Variants in PCDHA8 observed in about 807,000 individuals in gnomAD.
PCDHA8 encodes protocadherin alpha 8.
In PCDHA8, 53 loss-of-function variants were observed where a neutral mutation model predicts 61.8. That is an observed-to-expected ratio of 0.86 (90% confidence interval 0.69 to 1.08). The LOEUF (loss-of-function observed/expected upper bound fraction) is 1.08, where lower values mean the gene tolerates loss of function less well. PCDHA8 is among the 50% of genes least tolerant of loss of function. The pLI is 0.00. For synonymous variants in PCDHA8, 618 were observed against 556.6 expected, an observed-to-expected ratio of 1.11 and a Z score of -1.55; for missense variants, 1,293 against 1,245.0, an observed-to-expected ratio of 1.04 and a Z score of -0.58.
intron 1 of PCDHA8, among the ~76,000 whole-genome samples, chr5:140,855,144 C>A (rs573799171): frequency 1.3e-5 from 2 of 149,748 alleles, no homozygotes; most frequent in South Asian, 4.2e-4. Context: ...CCTGATGAGC[C>A]AAATTTGGTA....
rs782448077 is a variant in PCDHA8 at position 140,870,373 on chromosome 5, G to T, written c.2394+26658G>T. 68 of 1,614,118 alleles carry T rather than the reference G, an allele frequency of 4.2e-5. No individual in the cohort carries two copies. In the Admixed American group the frequency reaches 5.3e-4, roughly 13 times the overall value. On this transcript the variant is annotated intron_variant, in intron 1 of 3. Coordinates refer to ENST00000531613, the MANE Select transcript of PCDHA8 (RefSeq NM_018911.3). The stretch of plus-strand genomic sequence containing the variant: ...GAACGTGTGGGCCTATGAACTGGTG[G>T]TGACTGCGCGGGATGGGGGTTCGCC...
chr5:140,960,597 C>T (rs1315375637), intron 1 of PCDHA8, among the ~76,000 whole-genome samples: 1 of 152,092 alleles, frequency 6.6e-6, no homozygotes, highest in South Asian at 2.1e-4. Context: ...ATTCAAGGTA[C>T]TTCAACAATA....
At chr5:140,892,927 C>G (rs1554185442) in intron 1 of PCDHA8, among the ~76,000 whole-genome samples, 1 of 152,152 alleles carries the variant, frequency 6.6e-6, no homozygotes, top group African/African-American at 2.4e-5. Context: ...CCTTCCCAGC[C>G]TCTGATAAGC....
rs182574783 is a variant in PCDHA8, at chr5:140,952,922, G to A, written c.2395-26027G>A. Among the ~76,000 whole-genome samples the A allele has an allele frequency of 2.3e-3, 351 of 152,216 alleles. 2 individuals carry two copies. Among genetic ancestry groups the A allele is most frequent in the Admixed American group, 5.6e-3 (85 of 15,264 alleles). Reference sequence around the variant, plus strand: ...ATCAAGCTCATCTTACATGGCATGAGCAGGAGCAGGAGCAAGAGAGAGAGA... The same window carrying A: ...ATCAAGCTCATCTTACATGGCATGAACAGGAGCAGGAGCAAGAGAGAGAGA... On this transcript the variant is annotated intron_variant, in intron 1 of 3. Transcript: ENST00000531613.
intron 1 of PCDHA8, among the ~76,000 whole-genome samples, chr5:140,854,895 C>T (rs565255235): frequency 1.1e-4 from 16 of 149,404 alleles, no homozygotes; most frequent in African/African-American, 3.7e-4. Flanking sequence ...ATTTGAAAAG[C>T]GTAAATATAA....
chr5:140,898,156 G>C (rs1176390379), intron 1 of PCDHA8, among the ~76,000 whole-genome samples: 2 of 152,114 alleles, frequency 1.3e-5, no homozygotes, highest in African/African-American at 4.8e-5. Context: ...TCACGCTGAT[G>C]GTGGTTTCTT....
chr5:140,877,697 C>T (rs2057290837), intron 1 of PCDHA8: 15 of 1,613,794 alleles, frequency 9.3e-6, no homozygotes, highest in Non-Finnish European at 1.3e-5. Flanking sequence ...CTGGTGTGCT[C>T]CAGCGCCGTG....
intron 3 of PCDHA8, among the ~76,000 whole-genome samples, chr5:140,991,449 A>G (rs1405447405): frequency 6.6e-6 from 1 of 152,206 alleles, no homozygotes; most frequent in East Asian, 1.9e-4. Flanking sequence ...GCTTAAAACA[A>G]CACAATGTAT....
chr5:140,858,401 G>T (rs2045390262), intron 1 of PCDHA8: 2 of 1,572,406 alleles, frequency 1.3e-6, no homozygotes, highest in Admixed American at 1.8e-5. Flanking sequence ...TGTGGACGGG[G>T]AAGATCAGTC....
chr5:140,843,735 G>A lies in PCDHA8; in HGVS notation c.2394+20G>A. On this transcript the variant is annotated intron_variant, in intron 1 of 3. Coordinates refer to ENST00000531613, the MANE Select transcript of PCDHA8 (RefSeq NM_018911.3). ...CTCAAAGTAAGTCCATTTAAATTTA[G>A]AACTCATAAATTCTATTTGTGGAAA... The A allele has an allele frequency of 1.9e-6, 3 of 1,548,326 alleles. 1 individual carries two copies. The highest frequency in any genetic ancestry group is 2.7e-6 in the Non-Finnish European group (3 of 1,128,282).
chr5:140,985,338 A>G (rs2153836548), intron 3 of PCDHA8, among the ~76,000 whole-genome samples: 1 of 152,280 alleles, frequency 6.6e-6, no homozygotes, highest in South Asian at 2.1e-4. Flanking sequence ...TCTCATTTGC[A>G]GGCCCAGATA....
chr5:140,905,891 G>A (rs1486335678), intron 1 of PCDHA8, among the ~76,000 whole-genome samples: 2 of 152,162 alleles, frequency 1.3e-5, no homozygotes, highest in African/African-American at 4.8e-5. Context: ...TAGGCCATCT[G>A]CAAGCTGAGG....
intron 1 of PCDHA8, chr5:140,868,993 T>C (rs1441909187): frequency 1.3e-6 from 2 of 1,515,702 alleles, no homozygotes; most frequent in Non-Finnish European, 8.8e-7. Context: ...TGCCACCGTT[T>C]AAGGATCCTT....
At position 140,904,654 on chromosome 5, in the gene PCDHA8, G is replaced by C. The variant is rs554492367; in HGVS notation, c.2394+60939G>C. On this transcript the variant is annotated intron_variant, in intron 1 of 3. Coordinates refer to ENST00000531613, the MANE Select transcript of PCDHA8 (RefSeq NM_018911.3). ...AGGAATCTCCACACTGTTTTCCATAGTGGTTGTACTAGTTTACATTCCCAC... is the reference window on the plus strand; with the variant it reads ...AGGAATCTCCACACTGTTTTCCATACTGGTTGTACTAGTTTACATTCCCAC... Among the ~76,000 whole-genome samples, 175 of 152,122 alleles carry C rather than the reference G, an allele frequency of 1.2e-3. 1 individual carries two copies. The highest frequency in any genetic ancestry group is 3.4e-3 in the Middle Eastern group (1 of 294).
chr5:140,875,817 G>C lies in PCDHA8; in HGVS notation c.2394+32102G>C, dbSNP rs1262566792. 3 of 1,614,090 alleles carry C rather than the reference G, an allele frequency of 1.9e-6. No homozygotes were observed. The highest frequency in any genetic ancestry group is 2.7e-5 in the African/African-American group (2 of 74,930). On this transcript the variant is annotated intron_variant, in intron 1 of 3. Coordinates refer to ENST00000531613, the MANE Select transcript of PCDHA8 (RefSeq NM_018911.3). ...AGGTGATCGTGGACAGGCCGCTGCA[G>C]GTTTTCCATGTGGACGTGGAGGTGA...
intron 1 of PCDHA8, among the ~76,000 whole-genome samples, chr5:140,885,118 C>CT (rs782576516): frequency 6.6e-6 from 1 of 152,022 alleles, no homozygotes; most frequent in Non-Finnish European, 1.5e-5. Context: ...TTTAAGTGCA[C>CT]TTTTCTTTCT....
chr5:140,993,454 T>G (rs1343043993), intron 3 of PCDHA8, among the ~76,000 whole-genome samples: 1 of 133,974 alleles, frequency 7.5e-6, no homozygotes, highest in Non-Finnish European at 1.6e-5. Flanking sequence ...GTTCTCCTTC[T>G]TTCTTTCTCA....
In PCDHA8 at chr5:140,990,889, G is replaced by A. The variant is rs569864202; in HGVS notation, c.2542+8326G>A. Among the ~76,000 whole-genome samples, 53 of 152,284 alleles carry A rather than the reference G, an allele frequency of 3.5e-4. 2 individuals are homozygous for A. The South Asian group carries it at 8.3e-3, about 24-fold the overall frequency. Reference sequence around the variant, plus strand: ...TTTAAGTGTATGTTCCAGTGAGTGGGTCGTTGCTGGGTCAAGTTTTATAAG... The same window carrying A: ...TTTAAGTGTATGTTCCAGTGAGTGGATCGTTGCTGGGTCAAGTTTTATAAG... On this transcript the variant is annotated intron_variant, in intron 3 of 3. Transcript: ENST00000531613.
At chr5:140,975,200 C>T (rs1469690831) in intron 1 of PCDHA8, among the ~76,000 whole-genome samples, 1 of 152,224 alleles carries the variant, frequency 6.6e-6, no homozygotes, top group Non-Finnish European at 1.5e-5. Context: ...GCTCCATCTT[C>T]ATGGCTGGCA....
Sources: gnomAD v4.1 joint callset for allele counts (sites outside exome capture counted in the v4.1 genomes callset) on GRCh38, gnomAD v4.1.1 for gene constraint, MANE v1.5 for transcripts, NCBI Gene and HGNC (gene_info 2026-07-23, HGNC 2026-07-21) for gene names.